SLC44A5: variants seen among roughly 807,000 people sequenced by gnomAD.
SLC44A5 encodes choline transporter-like protein 5.
In SLC44A5, 57 loss-of-function variants were observed where a neutral mutation model predicts 101.8. The observed-to-expected ratio is 0.56, with a 90% CI of 0.45 to 0.70. The LOEUF (loss-of-function observed/expected upper bound fraction) is 0.70, where lower values mean the gene tolerates loss of function less well. Ranked by LOEUF, SLC44A5 falls within the 30% of genes least tolerant of loss-of-function variation. SLC44A5 has a pLI of 0.00. For synonymous variants in SLC44A5, 281 were observed against 290.9 expected, an observed-to-expected ratio of 0.97 and a Z score of 0.35; for missense variants, 737 against 853.1, an observed-to-expected ratio of 0.86 and a Z score of 1.70.
At chr1:75,649,873 C>T in the SLC44A5 span, among the ~76,000 whole-genome samples, 1 of 152,280 alleles carries the variant, frequency 6.6e-6, no homozygotes, top group Non-Finnish European at 1.5e-5. Context: ...CTCTCAATGC[C>T]TCAGAATCTC....
At chr1:75,409,022 G>C (rs938364323) in intron 2 of SLC44A5, among the ~76,000 whole-genome samples, 1 of 152,114 alleles carries the variant, frequency 6.6e-6, no homozygotes, top group Non-Finnish European at 1.5e-5. Flanking sequence ...CCATAAGAAA[G>C]AATGAAATCA....
chr1:75,523,233 C>T (rs1670236041), intron 2 of SLC44A5, among the ~76,000 whole-genome samples: 1 of 152,274 alleles, frequency 6.6e-6, no homozygotes, highest in South Asian at 2.1e-4. Flanking sequence ...CTGTGCCCTT[C>T]AGGTAGCATG....
At chr1:75,648,864 T>A in the SLC44A5 span, among the ~76,000 whole-genome samples, 1 of 152,334 alleles carries the variant, frequency 6.6e-6, no homozygotes, top group Non-Finnish European at 1.5e-5. Flanking sequence ...GTAGTGCCTA[T>A]GATTTTGTCT....
At chr1:75,285,800 A>G (rs949660071) in intron 5 of SLC44A5, among the ~76,000 whole-genome samples, 1 of 151,898 alleles carries the variant, frequency 6.6e-6, no homozygotes, top group Non-Finnish European at 1.5e-5. Flanking sequence ...TTATGAGTTC[A>G]TTTCTGATTT....
chr1:75,416,639 C>T (rs992799857), intron 2 of SLC44A5, among the ~76,000 whole-genome samples: 6 of 152,178 alleles, frequency 3.9e-5, no homozygotes, highest in African/African-American at 1.4e-4. Flanking sequence ...ACACTCGACA[C>T]CAGCCCATGA....
At chr1:75,410,765 T>C (rs1290343455) in intron 2 of SLC44A5, among the ~76,000 whole-genome samples, 1 of 152,108 alleles carries the variant, frequency 6.6e-6, no homozygotes, top group African/African-American at 2.4e-5. Flanking sequence ...GGGAGGGAGT[T>C]TGTAGAAATC....
intron 23 of SLC44A5, chr1:75,206,175 A>G (rs1312356851): frequency 6.2e-6 from 1 of 161,278 alleles, no homozygotes; most frequent in African/African-American, 2.4e-5. Flanking sequence ...CCATAGCACC[A>G]TATTTACAAA....
At chr1:75,711,018 A>T in the SLC44A5 span, among the ~76,000 whole-genome samples, 1 of 152,204 alleles carries the variant, frequency 6.6e-6, no homozygotes, top group Admixed American at 6.5e-5. Flanking sequence ...TAGCTTGCAC[A>T]TGACAATCAT....
chr1:75,319,023 G>C (rs1655936826), intron 4 of SLC44A5, among the ~76,000 whole-genome samples: 1 of 151,912 alleles, frequency 6.6e-6, no homozygotes, highest in Non-Finnish European at 1.5e-5. Flanking sequence ...TCAGAGATAT[G>C]TGCTTAGTTC....
intron 2 of SLC44A5, among the ~76,000 whole-genome samples, chr1:75,506,907 C>CTTTTTTTTTTTTTTTTTTTT (rs61554987): frequency 1.5e-5 from 1 of 68,748 alleles, no homozygotes; most frequent in Non-Finnish European, 2.6e-5. Flanking sequence ...TATTCCTATT[C>CTTTTTTTTTTTTTTTTTTTT]TTTTTTTTTT....
At chr1:75,217,341 A>G (rs1307025809) in intron 18 of SLC44A5, among the ~76,000 whole-genome samples, 1 of 152,078 alleles carries the variant, frequency 6.6e-6, no homozygotes, top group East Asian at 1.9e-4. Flanking sequence ...AAGTTTTGAA[A>G]TCAGGAAGTA....
chr1:75,537,351 T>C (rs1438326485), intron 2 of SLC44A5, among the ~76,000 whole-genome samples: 1 of 152,204 alleles, frequency 6.6e-6, no homozygotes, highest in Non-Finnish European at 1.5e-5. Flanking sequence ...TAGCAATGTG[T>C]TATGGCTTCT....
intron 1 of SLC44A5, among the ~76,000 whole-genome samples, chr1:75,572,748 A>G (rs1264225200): frequency 6.6e-6 from 1 of 152,104 alleles, no homozygotes; most frequent in Non-Finnish European, 1.5e-5. Context: ...AGGAAAACAG[A>G]CTATTGATAT....
Position 75,282,871 on chromosome 1 carries a change from A to C in SLC44A5, c.176-7829T>G, listed in dbSNP as rs116333943. The stretch of plus-strand genomic sequence containing the variant: ...TGAGTTAATTAAACCACTTCCCTTT[A>C]TAAATTACCCAGTCTTGGGTATGTT... On this transcript the variant is annotated intron_variant, in intron 5 of 23. Coordinates refer to ENST00000370859, the MANE Select transcript of SLC44A5 (RefSeq NM_001130058.2). Among the ~76,000 whole-genome samples, 1,423 of 152,276 alleles carry C rather than the reference A, an allele frequency of 9.3e-3. 31 individuals are homozygous for C. The highest frequency in any genetic ancestry group is 0.032 in the African/African-American group (1,342 of 41,534).
chr1:75,472,350 T>C (rs1250683054), intron 2 of SLC44A5, among the ~76,000 whole-genome samples: 2 of 152,136 alleles, frequency 1.3e-5, no homozygotes, highest in African/African-American at 2.4e-5. Context: ...GCTGTTTAGA[T>C]GTGGTACCCA....
At chr1:75,589,279 T>C (rs1006396576) in intron 1 of SLC44A5, among the ~76,000 whole-genome samples, 1 of 152,228 alleles carries the variant, frequency 6.6e-6, no homozygotes, top group African/African-American at 2.4e-5. Context: ...GTGCTGGCTA[T>C]GTGACTGTGG....
At chr1:75,572,800 T>A (rs1453984400) in intron 1 of SLC44A5, among the ~76,000 whole-genome samples, 1 of 151,956 alleles carries the variant, frequency 6.6e-6, no homozygotes, top group Non-Finnish European at 1.5e-5. Context: ...TAAAGAGTAA[T>A]ATAAATAAAT....
chr1:75,603,076 G>A (rs1215622049), intron 1 of SLC44A5, among the ~76,000 whole-genome samples: 1 of 151,952 alleles, frequency 6.6e-6, no homozygotes, highest in Non-Finnish European at 1.5e-5. Context: ...AGTTGATCCT[G>A]TCACCTAGGT....
chr1:75,242,070 G>A lies in SLC44A5; in HGVS notation c.472-9C>T, dbSNP rs1156624885. The A allele has an allele frequency of 1.2e-6, 2 of 1,609,710 alleles. No individual in the cohort carries two copies. The highest frequency in any genetic ancestry group is 8.5e-7 in the Non-Finnish European group (1 of 1,176,968). ...AAAAGCTGTGTGAGAGACTAAAATAGAAGGAAGAACGTTAACATTTCAAAG... is the reference window on the plus strand; with the variant it reads ...AAAAGCTGTGTGAGAGACTAAAATAAAAGGAAGAACGTTAACATTTCAAAG... On this transcript the variant is annotated splice_polypyrimidine_tract_variant and intron_variant, in intron 8 of 23. Transcript: ENST00000370859.
Sources: allele counts gnomAD v4.1 joint callset (sites outside exome capture counted in the v4.1 genomes callset), GRCh38; gene constraint gnomAD v4.1.1; transcripts MANE v1.5; gene names NCBI Gene and HGNC (gene_info 2026-07-23, HGNC 2026-07-21).